The following TMEM182 variants were observed in gnomAD, a reference collection of about 807,000 sequenced individuals.
The protein encoded by TMEM182 is transmembrane protein 182.
TMEM182 carries 20 observed loss-of-function variants against 26.8 expected under a neutral mutation model. The ratio of observed to expected loss-of-function variants is 0.75; its 90% CI spans 0.53 to 1.09. TMEM182 has a LOEUF of 1.09. Among genes scored for constraint, TMEM182 ranks in the 50% least tolerant of loss-of-function variants. The probability of loss-of-function intolerance (pLI) is 0.00; values close to 1 mark genes in which losing one functional copy is unlikely to be tolerated. For synonymous variants in TMEM182, 109 were observed against 102.2 expected, an observed-to-expected ratio of 1.07 and a Z score of -0.40; for missense variants, 277 against 275.5, an observed-to-expected ratio of 1.01 and a Z score of -0.04.
chr2:102,739,425 G>T (rs924229179), intron 1 of TMEM182, among the ~76,000 whole-genome samples: 1 of 152,152 alleles, frequency 6.6e-6, no homozygotes, highest in South Asian at 2.1e-4. Context: ...ACCTCATGTC[G>T]AATTGTAGTC....
At position 102,762,069 on chromosome 2, in the gene TMEM182, C is replaced by G; in HGVS notation, c.-149C>G. 3.0e-6 allele frequency: 2 copies of G among 665,232 alleles called. No homozygotes were observed. The highest frequency in any genetic ancestry group is 4.8e-6 in the Non-Finnish European group (2 of 413,982). 41.2% of individuals were successfully genotyped at this position (665,232 alleles called of 1,614,324 possible). A position where few individuals can be genotyped will look rare whatever the true frequency, so the allele number is the denominator to read the frequency against. Reference sequence around the variant, plus strand: ...GGGCGTGAGCGAGAAGCCACCAAAACATGAGCTAGGACAGCCTTCTCAAGA... The same window carrying G: ...GGGCGTGAGCGAGAAGCCACCAAAAGATGAGCTAGGACAGCCTTCTCAAGA... On this transcript the variant is annotated 5_prime_UTR_variant, in exon 1 of 5. Transcript: ENST00000412401.
chr2:102,818,745 C>CCTATCTATCTAT (rs71378191), downstream of TMEM182, among the ~76,000 whole-genome samples: 12,171 of 136,436 alleles, frequency 0.089, 527 homozygotes, highest in Middle Eastern at 0.12. Context: ...TCTATTTAAT[C>CCTATCTATCTAT]CTATCTATCT....
chr2:102,750,441 C>T (rs947839622), intron 1 of TMEM182, among the ~76,000 whole-genome samples: 1 of 152,154 alleles, frequency 6.6e-6, no homozygotes, highest in African/African-American at 2.4e-5. Context: ...GAAATTCTGC[C>T]ATCTGAGTCT....
At chr2:102,789,060 A>G (rs1171241002) in intron 3 of TMEM182, among the ~76,000 whole-genome samples, 1 of 152,210 alleles carries the variant, frequency 6.6e-6, no homozygotes, top group Non-Finnish European at 1.5e-5. Flanking sequence ...CACATTGCCT[A>G]AAGCGAGGCA....
At chr2:102,764,518 A>C in intron 3 of TMEM182, 91 bp downstream of exon 3, 1 of 987,060 alleles carries the variant, frequency 1.0e-6, no homozygotes, top group South Asian at 2.0e-5. Flanking sequence ...AATTAAAAAA[A>C]TAATTTAAGA....
chr2:102,775,068 G>T (rs1195028755), intron 3 of TMEM182: 1 of 152,012 alleles, frequency 6.6e-6, no homozygotes, highest in Non-Finnish European at 1.5e-5. Context: ...GGGGAGAATT[G>T]GTATCTTCAT....
chr2:102,755,022 C>T (rs531421864), intron 1 of TMEM182, among the ~76,000 whole-genome samples: 5 of 152,256 alleles, frequency 3.3e-5, no homozygotes, highest in Admixed American at 3.3e-4. Flanking sequence ...TAGATTTTAA[C>T]AGATTGCTTT....
At chr2:102,752,100 A>G (rs904958430) in intron 1 of TMEM182, among the ~76,000 whole-genome samples, 1 of 152,192 alleles carries the variant, frequency 6.6e-6, no homozygotes, top group Non-Finnish European at 1.5e-5. Flanking sequence ...CGAATTTTAG[A>G]GGGACAGGAT....
chr2:102,747,699 G>T (rs1679745097), intron 1 of TMEM182, among the ~76,000 whole-genome samples: 1 of 152,176 alleles, frequency 6.6e-6, no homozygotes, highest in African/African-American at 2.4e-5. Flanking sequence ...GAGAGAGCTA[G>T]ATAGGCTGCT....
intron 1 of TMEM182, among the ~76,000 whole-genome samples, chr2:102,748,144 G>A (rs555184974): frequency 1.4e-4 from 21 of 152,204 alleles, no homozygotes; most frequent in Non-Finnish European, 2.6e-4. Context: ...CCTTGGATTG[G>A]GAGTAACTTT....
intron 3 of TMEM182, among the ~76,000 whole-genome samples, chr2:102,835,854 G>T (rs1464716677): frequency 1.0e-4 from 7 of 67,484 alleles, no homozygotes; most frequent in Non-Finnish European, 2.0e-4. Flanking sequence ...CCCCTCCCCC[G>T]ACCCCACAAC....
chr2:102,749,419 G>A (rs544646567), intron 1 of TMEM182, among the ~76,000 whole-genome samples: 51 of 152,118 alleles, frequency 3.4e-4, no homozygotes, highest in Non-Finnish European at 6.0e-4. Flanking sequence ...GTGGTTGCCC[G>A]GACCTGAGGG....
downstream of TMEM182, among the ~76,000 whole-genome samples, chr2:102,822,104 C>T (rs930837588): frequency 6.6e-6 from 1 of 152,044 alleles, no homozygotes; most frequent in Admixed American, 6.6e-5. Context: ...AGTATACCCC[C>T]AAAATATGTG....
chr2:102,820,512 G>A (rs1682897943), downstream of TMEM182, among the ~76,000 whole-genome samples: 1 of 152,146 alleles, frequency 6.6e-6, no homozygotes, highest in African/African-American at 2.4e-5. Context: ...CATAATGAGA[G>A]ATGAAACTAT....
At chr2:102,781,116 T>A (rs1456187618) in intron 3 of TMEM182, among the ~76,000 whole-genome samples, 1 of 152,210 alleles carries the variant, frequency 6.6e-6, no homozygotes, top group Non-Finnish European at 1.5e-5. Context: ...AGTTATTAGT[T>A]GTACTTACTA....
intron 3 of TMEM182, among the ~76,000 whole-genome samples, chr2:102,835,361 C>T (rs1178357644): frequency 6.6e-6 from 1 of 152,152 alleles, no homozygotes; most frequent in African/African-American, 2.4e-5. Context: ...ATAGAAATTT[C>T]TCATGTGCTC....
At chr2:102,784,369 G>A (rs1265159134) in intron 3 of TMEM182, among the ~76,000 whole-genome samples, 2 of 150,258 alleles carry the variant, frequency 1.3e-5, no homozygotes, top group Non-Finnish European at 1.5e-5. Flanking sequence ...TTTTTTTTTG[G>A]TCTATTTTTC....
chr2:102,774,709 A>T (rs1680835162), intron 3 of TMEM182, among the ~76,000 whole-genome samples: 1 of 152,188 alleles, frequency 6.6e-6, no homozygotes, highest in African/African-American at 2.4e-5. Flanking sequence ...TGTTAAAAAG[A>T]CTGTCCTTCC....
At chr2:102,823,001 ACAAGT>A (rs2104768631) in intron 3 of TMEM182, among the ~76,000 whole-genome samples, 1 of 152,330 alleles carries the variant, frequency 6.6e-6, no homozygotes, top group Admixed American at 6.5e-5. Context: ...GTCACCTTTT[ACAAGT>A]CAAATCAATA....
Sources: gnomAD v4.1 joint callset for allele counts (sites outside exome capture counted in the v4.1 genomes callset) on GRCh38, gnomAD v4.1.1 for gene constraint, MANE v1.5 for transcripts, NCBI Gene and HGNC (gene_info 2026-07-23, HGNC 2026-07-21) for gene names.